UGT1A8: variants seen among roughly 807,000 people sequenced by gnomAD.
The protein encoded by UGT1A8 is UDP glucuronosyltransferase family 1 member A8.
UGT1A8 carries 39 observed loss-of-function variants against 45.3 expected under a neutral mutation model. That is an observed-to-expected ratio of 0.86 (90% CI 0.67 to 1.12). UGT1A8 has a LOEUF of 1.12. Among genes scored for constraint, UGT1A8 ranks in the 50% most tolerant of loss-of-function variants. The pLI is 0.00. For synonymous variants in UGT1A8, 275 were observed against 249.2 expected (o/e 1.10, Z -0.97); for missense variants, 719 against 664.9 (o/e 1.08, Z -0.90).
At chr2:233,625,495 T>C (rs2073072503) in intron 1 of UGT1A8, among the ~76,000 whole-genome samples, 1 of 152,140 alleles carries the variant, frequency 6.6e-6, no homozygotes, top group African/African-American at 2.4e-5. Flanking sequence ...TGCACTGGTA[T>C]GTTCATTGCA....
chr2:233,677,971 A>G (rs2074404802), intron 1 of UGT1A8, among the ~76,000 whole-genome samples: 2 of 152,218 alleles, frequency 1.3e-5, no homozygotes, highest in African/African-American at 4.8e-5. Flanking sequence ...CACATACTCC[A>G]TGGAATATGC....
At chr2:233,764,986 G>A (rs1698720585) in intron 1 of UGT1A8, among the ~76,000 whole-genome samples, 1 of 152,106 alleles carries the variant, frequency 6.6e-6, no homozygotes. Flanking sequence ...CAGTGTCTGG[G>A]GCTTTCCTGG....
chr2:233,753,314 G>A (rs1425498826), intron 1 of UGT1A8: 1 of 152,252 alleles, frequency 6.6e-6, no homozygotes, highest in Non-Finnish European at 1.5e-5. Context: ...GTGCCCCTGT[G>A]GGATGGTGCC....
intron 1 of UGT1A8, among the ~76,000 whole-genome samples, chr2:233,665,230 A>C (rs997882283): frequency 6.6e-6 from 1 of 152,244 alleles, no homozygotes; most frequent in Non-Finnish European, 1.5e-5. Context: ...ATGACATGAA[A>C]GTCTTTACTT....
intron 1 of UGT1A8, among the ~76,000 whole-genome samples, chr2:233,646,668 T>A (rs2073611603): frequency 6.6e-6 from 1 of 152,136 alleles, no homozygotes. Flanking sequence ...TCCCAACGAG[T>A]TCCTCATCTC....
At chr2:233,762,024 A>AT (rs967311965) in intron 1 of UGT1A8, among the ~76,000 whole-genome samples, 3 of 151,856 alleles carry the variant, frequency 2.0e-5, no homozygotes, top group African/African-American at 4.8e-5. Context: ...TTTGTATTTT[A>AT]TTTTTTTTAA....
chr2:233,717,717 G>A (rs1199377056), intron 1 of UGT1A8: 3 of 454,162 alleles, frequency 6.6e-6, no homozygotes, highest in Non-Finnish European at 1.3e-5. Flanking sequence ...AGCCTCATGG[G>A]CATGAGACCA....
At chr2:233,715,899 C>T (rs1227216690) in intron 1 of UGT1A8, among the ~76,000 whole-genome samples, 1 of 152,172 alleles carries the variant, frequency 6.6e-6, no homozygotes, top group African/African-American at 2.4e-5. Context: ...TTGGGAGGCT[C>T]AGGTGGGAGG....
chr2:233,681,833 A>T (rs752488359), intron 1 of UGT1A8: 244 of 1,505,216 alleles, frequency 1.6e-4, no homozygotes, highest in Non-Finnish European at 2.1e-4. Flanking sequence ...ATGAATGAAT[A>T]AGTACACGCC....
At chr2:233,685,552 CA>C (rs1192144986) in intron 1 of UGT1A8, among the ~76,000 whole-genome samples, 2 of 152,170 alleles carry the variant, frequency 1.3e-5, no homozygotes, top group African/African-American at 2.4e-5. Flanking sequence ...GTTTTTGATC[CA>C]AATTCAAATT....
At chr2:233,754,004 G>T (rs1256062754) in intron 1 of UGT1A8, among the ~76,000 whole-genome samples, 1 of 152,190 alleles carries the variant, frequency 6.6e-6, no homozygotes, top group African/African-American at 2.4e-5. Context: ...TGGGTAATTT[G>T]TTACAGCCAT....
At chr2:233,724,815 G>A (rs1445822496) in intron 1 of UGT1A8, among the ~76,000 whole-genome samples, 1 of 137,052 alleles carries the variant, frequency 7.3e-6, no homozygotes, top group Admixed American at 7.2e-5. Context: ...GGCAGAGGCT[G>A]CAATCTCGGC....
At chr2:233,693,309 G>T in intron 1 of UGT1A8, 3 of 1,614,154 alleles carry the variant, frequency 1.9e-6, no homozygotes, top group Non-Finnish European at 1.7e-6. Flanking sequence ...TTTGCTGAGC[G>T]ATCATTCCTA....
chr2:233,638,840 A>T lies in UGT1A8; in HGVS notation c.855+20278A>T, dbSNP rs148004825. 5.7e-3 allele frequency among the ~76,000 whole-genome samples: 875 copies of T among 152,340 alleles called. 9 individuals carry two copies. Among genetic ancestry groups the T allele is most frequent in the Admixed American group, 0.028 (424 of 15,304 alleles). The stretch of plus-strand genomic sequence containing the variant: ...TCTTTCTAAAAAGCAGGAAGACTAC[A>T]GTTGTAGGCCTTTCAAAATTAGGCA... On this transcript the variant is annotated intron_variant, in intron 1 of 4. Coordinates refer to ENST00000373450, the MANE Select transcript of UGT1A8 (RefSeq NM_019076.5).
intron 1 of UGT1A8, among the ~76,000 whole-genome samples, chr2:233,746,331 A>C (rs1482608381): frequency 6.6e-6 from 1 of 151,784 alleles, no homozygotes; most frequent in Admixed American, 6.5e-5. Flanking sequence ...TCTACAGGGC[A>C]ATGGACATGT....
Position 233,769,813 on chromosome 2 carries a change from C to A in UGT1A8, c.1295+1374C>A. 2.1e-6 allele frequency: 2 copies of A among 945,300 alleles called. No individual in the cohort carries two copies. The highest frequency in any genetic ancestry group is 2.9e-6 in the Non-Finnish European group (2 of 681,442). 58.6% of individuals were successfully genotyped at this position (945,300 alleles called of 1,614,324 possible). On this transcript the variant is annotated intron_variant, in intron 4 of 4. Coordinates refer to ENST00000373450, the MANE Select transcript of UGT1A8 (RefSeq NM_019076.5). This position sits in a 1 kb window ranked among gnomAD's most constrained non-coding sequence, Gnocchi z 4.4. ...GAGGCTGCTATGAGCCGTGATCATG[C>A]CACTGCACTCCAGCAACCTGGGCAA...
At chr2:233,677,887 C>G (rs562690074) in intron 1 of UGT1A8, among the ~76,000 whole-genome samples, 6 of 152,048 alleles carry the variant, frequency 3.9e-5, no homozygotes, top group Admixed American at 6.5e-5. Flanking sequence ...CATTGCAGCT[C>G]TATTCAGAAT....
intron 1 of UGT1A8, among the ~76,000 whole-genome samples, chr2:233,757,676 T>A (rs986940319): frequency 2.0e-5 from 3 of 151,088 alleles, no homozygotes; most frequent in African/African-American, 7.3e-5. Flanking sequence ...ATTCAAGGAA[T>A]TCAAGGGATT....
At chr2:233,762,334 T>A (rs2125997251) in intron 1 of UGT1A8, among the ~76,000 whole-genome samples, 1 of 152,328 alleles carries the variant, frequency 6.6e-6, no homozygotes, top group Middle Eastern at 3.4e-3. Context: ...CCACAATAGC[T>A]CTTTTTAGTT....
Sources: allele counts gnomAD v4.1 joint callset (sites outside exome capture counted in the v4.1 genomes callset), GRCh38; gene constraint gnomAD v4.1.1; non-coding constraint Gnocchi (gnomAD v3.1); transcripts MANE v1.5; gene names NCBI Gene and HGNC (gene_info 2026-07-23, HGNC 2026-07-21).